The following RALYL variants were observed in gnomAD, a reference collection of about 807,000 sequenced individuals.
RALYL encodes RNA-binding Raly-like protein.
A neutral mutation model predicts 35.1 loss-of-function variants in RALYL; 29 were observed. The ratio of observed to expected loss-of-function variants is 0.83; its 90% CI spans 0.61 to 1.13. RALYL has a LOEUF of 1.13. RALYL is among the 50% of genes most tolerant of loss of function. The probability of loss-of-function intolerance (pLI) is 0.00; values close to 1 mark genes in which losing one functional copy is unlikely to be tolerated. For synonymous variants in RALYL, 120 were observed against 127.6 expected (o/e 0.94, Z 0.40); for missense variants, 359 against 360.4 (o/e 1.00, Z 0.03).
chr8:84,412,509 T>A (rs950465190), intron 1 of RALYL, among the ~76,000 whole-genome samples: 5 of 151,896 alleles, frequency 3.3e-5, no homozygotes, highest in African/African-American at 1.2e-4. Flanking sequence ...GGGTTTCATT[T>A]GTATCAAAAG....
At chr8:84,405,823 C>CTTTTTTT (rs776007226) in intron 1 of RALYL, among the ~76,000 whole-genome samples, 46 of 118,156 alleles carry the variant, frequency 3.9e-4, no homozygotes, top group African/African-American at 1.3e-3. Context: ...TATTTTCATT[C>CTTTTTTT]TTTTTTTTTT....
intron 1 of RALYL, among the ~76,000 whole-genome samples, chr8:84,440,895 T>G (rs1178307190): frequency 1.3e-5 from 2 of 151,962 alleles, no homozygotes; most frequent in Non-Finnish European, 2.9e-5. Flanking sequence ...CAAGAGGGAT[T>G]TCTGGTTTGT....
At chr8:84,769,126 G>C (rs190006962) in intron 2 of RALYL, among the ~76,000 whole-genome samples, 8 of 152,048 alleles carry the variant, frequency 5.3e-5, no homozygotes, top group African/African-American at 1.7e-4. Flanking sequence ...ATTTTCATGC[G>C]CATGTGCCCT....
intron 1 of RALYL, among the ~76,000 whole-genome samples, chr8:84,399,999 C>T (rs2042729674): frequency 2.0e-5 from 3 of 152,122 alleles, no homozygotes; most frequent in Admixed American, 1.3e-4. Flanking sequence ...TGCCTGTAAC[C>T]ACAGCTACTT....
At chr8:84,614,344 A>G (rs1184338029) in intron 2 of RALYL, among the ~76,000 whole-genome samples, 1 of 151,698 alleles carries the variant, frequency 6.6e-6, no homozygotes, top group Non-Finnish European at 1.5e-5. Context: ...TAGGAATGAA[A>G]TCACAAAGGC....
chr8:84,756,784 T>C (rs1340918132), intron 2 of RALYL, among the ~76,000 whole-genome samples: 6 of 152,088 alleles, frequency 3.9e-5, no homozygotes, highest in East Asian at 1.9e-4. Context: ...AAGGTGTTTT[T>C]TTTTTTATTA....
At chr8:84,914,157 T>G (rs543527203) in intron 8 of RALYL, among the ~76,000 whole-genome samples, 6 of 152,036 alleles carry the variant, frequency 3.9e-5, no homozygotes, top group Middle Eastern at 3.2e-3. Flanking sequence ...GTACTTGTAG[T>G]GCTAAAATTA....
intron 2 of RALYL, among the ~76,000 whole-genome samples, chr8:84,751,107 A>G (rs1437291639): frequency 6.6e-6 from 1 of 152,108 alleles, no homozygotes; most frequent in Non-Finnish European, 1.5e-5. Context: ...GATAAGTATG[A>G]GTGATGGCTT....
chr8:84,768,371 C>T (rs993357486), intron 2 of RALYL, among the ~76,000 whole-genome samples: 5 of 152,146 alleles, frequency 3.3e-5, no homozygotes, highest in South Asian at 2.1e-4. Flanking sequence ...CTCGTTCATT[C>T]GAATCTTGGC....
Position 84,254,746 on chromosome 8 carries a change from G to A in RALYL, c.-24+70322G>A, listed in dbSNP as rs377177242. ...AACTACCCAAGACTGGGTAATTTATGAAAAAAAAAAAAAAGAGGTTTAATT... is the reference window on the plus strand; with the variant it reads ...AACTACCCAAGACTGGGTAATTTATAAAAAAAAAAAAAAAGAGGTTTAATT... On this transcript the variant is annotated intron_variant, in intron 1 of 8. Coordinates refer to ENST00000521268, the MANE Select transcript of RALYL (RefSeq NM_173848.7). Among the ~76,000 whole-genome samples the A allele has an allele frequency of 6.9e-4, 87 of 126,472 alleles. 1 individual carries two copies. The highest frequency in any genetic ancestry group is 1.0e-3 in the South Asian group (4 of 4,006). 83.0% of individuals were successfully genotyped at this position (126,472 alleles called of 152,430 possible). A position where few individuals can be genotyped will look rare whatever the true frequency, so the allele number is the denominator to read the frequency against.
chr8:84,696,496 C>A (rs1839180075), intron 2 of RALYL, among the ~76,000 whole-genome samples: 1 of 151,890 alleles, frequency 6.6e-6, no homozygotes, highest in Non-Finnish European at 1.5e-5. Context: ...GAATAATCAC[C>A]TTTTCACATG....
intron 2 of RALYL, among the ~76,000 whole-genome samples, chr8:84,728,093 G>A (rs1264785273): frequency 6.6e-6 from 1 of 151,534 alleles, no homozygotes; most frequent in Non-Finnish European, 1.5e-5. Flanking sequence ...CCCACCAACA[G>A]TGTAAAAGTG....
chr8:84,717,597 G>A (rs1164023365), intron 2 of RALYL, among the ~76,000 whole-genome samples: 1 of 152,152 alleles, frequency 6.6e-6, no homozygotes, highest in African/African-American at 2.4e-5. Context: ...AAGGTGTAAG[G>A]AATGTCTGTT....
chr8:84,705,786 CG>C, intron 2 of RALYL: 1 of 654,738 alleles, frequency 1.5e-6, no homozygotes. Context: ...GCTATAGGAT[CG>C]GGGGAGGTGA....
chr8:84,474,321 C>A (rs1321608139), intron 1 of RALYL, among the ~76,000 whole-genome samples: 1 of 152,048 alleles, frequency 6.6e-6, no homozygotes, highest in Non-Finnish European at 1.5e-5. Context: ...GTCATATTGT[C>A]ATTTACCAAA....
chr8:84,360,188 G>T (rs1463225390), intron 1 of RALYL, among the ~76,000 whole-genome samples: 6 of 152,080 alleles, frequency 3.9e-5, no homozygotes, highest in Non-Finnish European at 7.4e-5. Context: ...TTCATTTCTT[G>T]CTGTGGAGCA....
At chr8:84,315,180 A>G (rs1227270053) in intron 1 of RALYL, among the ~76,000 whole-genome samples, 1 of 152,146 alleles carries the variant, frequency 6.6e-6, no homozygotes, top group Non-Finnish European at 1.5e-5. Flanking sequence ...ATTACAACCC[A>G]TATACACAAT....
At chr8:84,598,516 G>A (rs1815140442) in intron 2 of RALYL, among the ~76,000 whole-genome samples, 1 of 152,062 alleles carries the variant, frequency 6.6e-6, no homozygotes, top group Admixed American at 6.6e-5. Context: ...GCAAGCTCTG[G>A]ATTTTGAGCC....
intron 1 of RALYL, among the ~76,000 whole-genome samples, chr8:84,512,727 G>C (rs1013251398): frequency 7.2e-5 from 11 of 152,270 alleles, no homozygotes; most frequent in Admixed American, 2.0e-4. Flanking sequence ...GACGGGTCTA[G>C]TTTCATACTT....
Sources: gnomAD v4.1 joint callset for allele counts (sites outside exome capture counted in the v4.1 genomes callset) on GRCh38, gnomAD v4.1.1 for gene constraint, MANE v1.5 for transcripts, NCBI Gene and HGNC (gene_info 2026-07-23, HGNC 2026-07-21) for gene names.